The following RBFOX1 variants were observed in gnomAD, a reference collection of about 807,000 sequenced individuals.
RBFOX1 encodes the protein RNA binding protein fox-1 homolog 1.
A neutral mutation model predicts 57.7 loss-of-function variants in RBFOX1; 8 were observed. The observed-to-expected ratio is 0.14, with a 90% CI of 0.08 to 0.25. The LOEUF is 0.25. Among genes scored for constraint, RBFOX1 ranks in the 10% least tolerant of loss-of-function variants. RBFOX1 has a pLI of 1.00. For synonymous variants in RBFOX1, 326 were observed against 222.4 expected (o/e 1.47, Z -4.15); for missense variants, 611 against 548.5 (o/e 1.11, Z -1.14).
rs148112076 is a variant in RBFOX1 at position 6,316,170 on chromosome 16, G to A, written c.-126-825G>A. ...TTCTCCCCAGAGAGGAAACAAGTCAGTATCCCAACCCCCTTGGGTATAGGA... is the reference window on the plus strand; with the variant it reads ...TTCTCCCCAGAGAGGAAACAAGTCAATATCCCAACCCCCTTGGGTATAGGA... On this transcript the variant is annotated intron_variant, in intron 1 of 15. Transcript: ENST00000550418. Among the ~76,000 whole-genome samples, 101 of 151,662 alleles carry A rather than the reference G, an allele frequency of 6.7e-4. 1 individual carries two copies. The highest frequency in any genetic ancestry group is 1.9e-3 in the African/African-American group (77 of 41,394).
chr16:5,498,689 T>A (rs1485683112), intron 2 of RBFOX1, among the ~76,000 whole-genome samples: 1 of 152,192 alleles, frequency 6.6e-6, no homozygotes, highest in Non-Finnish European at 1.5e-5. Context: ...AGATGGATAC[T>A]CACACATCAA....
intron 3 of RBFOX1, among the ~76,000 whole-genome samples, chr16:6,872,699 A>T (rs2061151784): frequency 6.6e-6 from 1 of 152,224 alleles, no homozygotes; most frequent in Admixed American, 6.5e-5. Context: ...ATCCAGGGTA[A>T]GCTAGATTTA....
intron 2 of RBFOX1, among the ~76,000 whole-genome samples, chr16:6,346,206 A>ATT (rs1360739442): frequency 6.6e-6 from 1 of 152,164 alleles, no homozygotes; most frequent in Non-Finnish European, 1.5e-5. Context: ...GTGAATACTT[A>ATT]TTATATATAG....
intron 4 of RBFOX1, among the ~76,000 whole-genome samples, chr16:5,983,337 C>G (rs1007144376): frequency 6.6e-6 from 1 of 152,230 alleles, no homozygotes; most frequent in Non-Finnish European, 1.5e-5. Flanking sequence ...TCCCTGACAG[C>G]TCCTGCACAT....
intron 3 of RBFOX1, among the ~76,000 whole-genome samples, chr16:5,702,272 C>T (rs184871213): frequency 6.6e-6 from 1 of 152,296 alleles, no homozygotes; most frequent in East Asian, 1.9e-4. Context: ...GCCCCTTCTT[C>T]ACATGCCGGC....
intron 2 of RBFOX1, among the ~76,000 whole-genome samples, chr16:6,497,446 G>A (rs756024706): frequency 9.9e-5 from 15 of 152,076 alleles, no homozygotes; most frequent in Admixed American, 3.9e-4. Context: ...GAGAGCACTT[G>A]GAGAAAGAAG....
chr16:5,969,526 G>A (rs1246115689), intron 4 of RBFOX1, among the ~76,000 whole-genome samples: 1 of 137,224 alleles, frequency 7.3e-6, no homozygotes, highest in Non-Finnish European at 1.5e-5. Context: ...GTTTCACTGT[G>A]TTGGCCAGGC....
intron 2 of RBFOX1, among the ~76,000 whole-genome samples, chr16:6,624,023 C>G (rs1343719316): frequency 6.6e-6 from 1 of 152,182 alleles, no homozygotes; most frequent in Non-Finnish European, 1.5e-5. Context: ...GCCACACTGA[C>G]TTCCACAATG....
chr16:5,825,921 TA>T lies in RBFOX1; in HGVS notation c.319-41380del, dbSNP rs2056029467. ...AATATTCCGTAATATGAATAAGGAA[TA>T]ATATTCCGTAATATGAATAAGGAAT... On this transcript the variant is annotated intron_variant, in intron 3 of 19. Transcript: ENST00000641259. Among the ~76,000 whole-genome samples, 2 of 36,494 alleles carry T rather than the reference TA, an allele frequency of 5.5e-5. 1 individual carries two copies. The highest frequency in any genetic ancestry group is 9.4e-5 in the Non-Finnish European group (2 of 21,344). 23.9% of individuals were successfully genotyped at this position (36,494 alleles called of 152,430 possible).
intron 5 of RBFOX1, chr16:7,519,887 T>C (rs2077153556): frequency 6.3e-6 from 2 of 315,322 alleles, no homozygotes; most frequent in Admixed American, 6.5e-5. Context: ...TGTTTTTGTT[T>C]TTGTTTTTGT....
chr16:6,920,030 T>A (rs768286230), intron 3 of RBFOX1, among the ~76,000 whole-genome samples: 2 of 152,056 alleles, frequency 1.3e-5, no homozygotes, highest in Admixed American at 6.6e-5. Context: ...ACGGAAAATA[T>A]GATATTTGTT....
At chr16:6,987,500 C>CAG (rs1319152884) in intron 3 of RBFOX1, among the ~76,000 whole-genome samples, 2 of 142,456 alleles carry the variant, frequency 1.4e-5, no homozygotes. Flanking sequence ...CACACACACA[C>CAG]ACACAGAGGC....
chr16:5,491,197 A>T (rs1393597229), intron 2 of RBFOX1, among the ~76,000 whole-genome samples: 1 of 152,156 alleles, frequency 6.6e-6, no homozygotes, highest in Non-Finnish European at 1.5e-5. Flanking sequence ...TCAACGCAAG[A>T]GTACAGCTGG....
Position 6,468,518 on chromosome 16 carries a change from A to G in RBFOX1, c.-64+151461A>G, listed in dbSNP as rs1312797978. ...ATGAGTGATGCATCATTGTCACTCA[A>G]ACTGAAATTGGTATAGCACCTTCTG... is the stretch of plus-strand genomic sequence containing the variant. On this transcript the variant is annotated intron_variant, in intron 2 of 15. Coordinates refer to ENST00000550418, the MANE Select transcript of RBFOX1 (RefSeq NM_018723.4). Among the ~76,000 whole-genome samples, 5 of 152,336 alleles carry G rather than the reference A, an allele frequency of 3.3e-5. No individual in the cohort carries two copies. The South Asian group carries it at 1.0e-3, about 32-fold the overall frequency.
chr16:5,443,954 G>A (rs912293057), intron 1 of RBFOX1, among the ~76,000 whole-genome samples: 7 of 152,160 alleles, frequency 4.6e-5, no homozygotes, highest in Non-Finnish European at 7.3e-5. Context: ...GGAAGTGTCA[G>A]GCATGTCAAC....
chr16:5,562,290 C>A (rs527510797), intron 2 of RBFOX1, among the ~76,000 whole-genome samples: 1 of 152,200 alleles, frequency 6.6e-6, no homozygotes, highest in Non-Finnish European at 1.5e-5. Flanking sequence ...GAGCCTCCAG[C>A]AGTCCTACTT....
chr16:7,195,597 G>C (rs1270553174), intron 4 of RBFOX1, among the ~76,000 whole-genome samples: 1 of 152,070 alleles, frequency 6.6e-6, no homozygotes. Context: ...CAACTCTCTT[G>C]CCCAGGCTGG....
intron 1 of RBFOX1, among the ~76,000 whole-genome samples, chr16:6,313,138 G>A (rs1233562918): frequency 6.6e-6 from 1 of 152,110 alleles, no homozygotes; most frequent in East Asian, 1.9e-4. Context: ...AGTAAAGTGT[G>A]GTCCAGAATG....
intron 2 of RBFOX1, among the ~76,000 whole-genome samples, chr16:6,366,064 G>A (rs1263527795): frequency 6.7e-6 from 1 of 148,422 alleles, no homozygotes; most frequent in Non-Finnish European, 1.5e-5. Context: ...ATGGTCTCTG[G>A]TCGAGAATGG....
Sources: allele counts gnomAD v4.1 joint callset (sites outside exome capture counted in the v4.1 genomes callset), GRCh38; gene constraint gnomAD v4.1.1; transcripts MANE v1.5; gene names NCBI Gene and HGNC (gene_info 2026-07-23, HGNC 2026-07-21).